The following MYRFL variants were observed in gnomAD, a reference collection of about 807,000 sequenced individuals.
MYRFL encodes the protein myelin regulatory factor-like protein.
MYRFL carries 88 observed loss-of-function variants against 109.4 expected under a neutral mutation model. The ratio of observed to expected loss-of-function variants is 0.80; its 90% CI spans 0.68 to 0.96. The LOEUF (loss-of-function observed/expected upper bound fraction) is 0.96, where lower values mean the gene tolerates loss of function less well. Among genes scored for constraint, MYRFL ranks in the 40% least tolerant of loss-of-function variants. The probability of loss-of-function intolerance (pLI) is 0.00; values close to 1 mark genes in which losing one functional copy is unlikely to be tolerated. For synonymous variants in MYRFL, 324 were observed against 320.9 expected, an observed-to-expected ratio of 1.01 and a Z score of -0.10; for missense variants, 957 against 954.9, an observed-to-expected ratio of 1.00 and a Z score of -0.03.
intron 13 of MYRFL, among the ~76,000 whole-genome samples, chr12:69,917,368 T>C (rs1954768710): frequency 6.7e-6 from 1 of 149,654 alleles, no homozygotes; most frequent in African/African-American, 2.5e-5. Flanking sequence ...TGAAATCATC[T>C]TGTTTATTCA....
At chr12:69,916,673 G>A (rs1954737994) in intron 13 of MYRFL, among the ~76,000 whole-genome samples, 1 of 151,944 alleles carries the variant, frequency 6.6e-6, no homozygotes, top group Non-Finnish European at 1.5e-5. Flanking sequence ...GCCCTTTACT[G>A]GCTACAGACT....
Position 69,936,334 on chromosome 12 carries a change from A to G in MYRFL, c.2043A>G (p.Ser681=). The G allele has an allele frequency of 6.5e-7, 1 of 1,536,048 alleles. No homozygotes were observed. Among genetic ancestry groups the G allele is most frequent in the Non-Finnish European group, 8.7e-7 (1 of 1,146,864 alleles). The change falls in exon 18 of 25, where the codon TCA becomes TCG. Residue 681 remains serine, a splice_region_variant and synonymous_variant. Coordinates refer to ENST00000552032, the MANE Select transcript of MYRFL (RefSeq NM_182530.3). ...EPALLPTASS[S]APNTSLVTTP... is the part of the protein sequence containing the mutation. ...CTCTGCTGCCCACAGCCTCCTCCTC[A>G]GGTAAAGGCTTCACATTCCTCACCC...
intron 19 of MYRFL, among the ~76,000 whole-genome samples, chr12:69,951,176 T>C (rs190687194): frequency 1.3e-5 from 2 of 152,256 alleles, no homozygotes; most frequent in Middle Eastern, 3.4e-3. Flanking sequence ...GCAGACCTAG[T>C]TGGGGATAGT....
chr12:69,842,845 A>T (rs931408544), intron 1 of MYRFL, among the ~76,000 whole-genome samples: 3 of 152,230 alleles, frequency 2.0e-5, no homozygotes, highest in Non-Finnish European at 4.4e-5. Flanking sequence ...CTTCCATAGT[A>T]TCCAAGCACA....
chr12:69,947,420 G>T (rs77851377), intron 19 of MYRFL, among the ~76,000 whole-genome samples: 5,281 of 152,152 alleles, frequency 0.035, 313 homozygotes, highest in African/African-American at 0.12. Flanking sequence ...TTTCAGAAAG[G>T]TTATCTCTCC....
intron 19 of MYRFL, 67 bp from the exon 20 acceptor site, chr12:69,952,046 C>T: frequency 7.4e-7 from 1 of 1,354,888 alleles, no homozygotes; most frequent in Non-Finnish European, 1.0e-6. Flanking sequence ...TGAACTAGGT[C>T]ACACATGGGG....
At chr12:69,914,557 C>A (rs568256322) in intron 13 of MYRFL, among the ~76,000 whole-genome samples, 9 of 152,168 alleles carry the variant, frequency 5.9e-5, no homozygotes, top group East Asian at 5.8e-4. Context: ...ATAATTAGTT[C>A]TCTCCCTTGT....
intron 1 of MYRFL, among the ~76,000 whole-genome samples, chr12:69,841,688 T>C (rs1883252280): frequency 6.6e-6 from 1 of 152,206 alleles, no homozygotes; most frequent in African/African-American, 2.4e-5. Context: ...CCCCCGCTCT[T>C]AGAAGCTTTT....
chr12:69,909,118 G>A (rs1954470296), intron 11 of MYRFL, among the ~76,000 whole-genome samples: 1 of 152,194 alleles, frequency 6.6e-6, no homozygotes. Flanking sequence ...TATGTTAAAG[G>A]TGATTGGTAA....
In MYRFL at chr12:69,914,464, A is replaced by C. The variant is rs369848718; in HGVS notation, c.1602+3534A>C. ...GTTACCCTCTGGAAGCAGCTATATA[A>C]CTTCTGGATGTGGCCCTCCACTAGA... On this transcript the variant is annotated intron_variant, in intron 13 of 24. Coordinates refer to ENST00000552032, the MANE Select transcript of MYRFL (RefSeq NM_182530.3). Among the ~76,000 whole-genome samples the C allele has an allele frequency of 1.1e-3, 164 of 152,264 alleles. 2 individuals carry two copies. In the South Asian group the frequency reaches 0.026, roughly 24 times the overall value.
At chr12:69,951,423 C>CTTTTTT in intron 19 of MYRFL, among the ~76,000 whole-genome samples, 1 of 89,198 alleles carries the variant, frequency 1.1e-5, no homozygotes, top group Non-Finnish European at 2.2e-5. Context: ...TCCTAACCTG[C>CTTTTTT]TTTTTTTTTT....
chr12:69,903,679 T>A lies in MYRFL; in HGVS notation c.1218T>A (p.Asp406Glu). 1 of 1,535,922 alleles carries A rather than the reference T, an allele frequency of 6.5e-7. No individual in the cohort carries two copies. Among genetic ancestry groups the A allele is most frequent in the South Asian group, 1.2e-5 (1 of 84,050 alleles). Residue 406 changes from aspartate to glutamate, a missense_variant, in exon 11 of 25, where the codon GAT (aspartate) becomes GAA (glutamate). Physicochemically the swap from Asp to Glu is conservative, Grantham distance 45. Transcript: ENST00000552032. The stretch of plus-strand genomic sequence containing the variant: ...CTGGGCAGTTTGAAAATGACAGTGA[T>A]GCATTGTGGCAGCGAGGACAAGTTC... ...SNPGQFENDS[D>E]ALWQRGQVPE...
chr12:69,942,742 A>G (rs1234306507), intron 19 of MYRFL, among the ~76,000 whole-genome samples: 2 of 151,976 alleles, frequency 1.3e-5, no homozygotes, highest in African/African-American at 2.4e-5. Flanking sequence ...GAGGAAGTCA[A>G]ATTGTCCCTG....
At chr12:69,910,206 C>T in intron 12 of MYRFL, 129 bp downstream of exon 12, 2 of 646,846 alleles carry the variant, frequency 3.1e-6, no homozygotes, top group East Asian at 3.0e-5. Flanking sequence ...CTCTGTGAAA[C>T]TCATAGTCAC....
intron 2 of MYRFL, among the ~76,000 whole-genome samples, chr12:69,869,930 G>A (rs902001523): frequency 3.3e-5 from 5 of 152,126 alleles, no homozygotes; most frequent in African/African-American, 2.4e-5. Flanking sequence ...GGAGGGCAAA[G>A]TCTATTTTGT....
chr12:69,855,300 C>G lies in MYRFL; in HGVS notation c.67C>G (p.Leu23Val), dbSNP rs1884207579. The stretch of plus-strand genomic sequence containing the variant: ...TGCAGCTCAGGGAGCCAATGGTACT[C>G]TGGAGAACCCAGCCCTGGACACAAG... The part of the protein sequence containing the change: ...FFEAQGANGT[L>V]ENPALDTSLL... The change falls in exon 2 of 25, where the codon CTG becomes GTG. Residue 23 changes from leucine to valine, a missense_variant. Leu to Val is a conservative substitution (Grantham distance 32). Coordinates refer to ENST00000552032, the MANE Select transcript of MYRFL (RefSeq NM_182530.3). 1.4e-6 allele frequency: 1 copy of G among 702,580 alleles called. No homozygotes were observed. The highest frequency in any genetic ancestry group is 2.6e-6 in the Non-Finnish European group (1 of 384,802). 43.5% of individuals were successfully genotyped at this position (702,580 alleles called of 1,614,324 possible).
chr12:69,911,867 C>T (rs969907610), intron 13 of MYRFL, among the ~76,000 whole-genome samples: 22 of 152,306 alleles, frequency 1.4e-4, no homozygotes, highest in African/African-American at 4.6e-4. Flanking sequence ...GCTCCCTGAA[C>T]TTCAAAGTGC....
At position 69,825,237 on chromosome 12, in the gene MYRFL, C is replaced by T; in HGVS notation, c.-281C>T. 1.7e-6 allele frequency: 1 copy of T among 587,612 alleles called. No individual in the cohort carries two copies. The highest frequency in any genetic ancestry group is 3.2e-5 in the East Asian group (1 of 31,660). 36.4% of individuals were successfully genotyped at this position (587,612 alleles called of 1,614,324 possible). On this transcript the variant is annotated 5_prime_UTR_variant, in exon 1 of 25. Transcript: ENST00000552032. ...TTAAAGACGAAAAGCAGAGTAGAAA[C>T]AGTTCCTTATATTAAGACAGATGAA...
chr12:69,917,383 C>CTTTTTTTTTTTTTTTTTTTTTTTTTTT (rs56118035), intron 13 of MYRFL, among the ~76,000 whole-genome samples: 2 of 102,514 alleles, frequency 2.0e-5, no homozygotes, highest in Non-Finnish European at 3.6e-5. Flanking sequence ...TATTCACTGA[C>CTTTTTTTTTTTTTTTTTTTTTTTTTTT]TTTTTTTTTT....
Sources: gnomAD v4.1 joint callset for allele counts (sites outside exome capture counted in the v4.1 genomes callset) on GRCh38, gnomAD v4.1.1 for gene constraint, MANE v1.5 for transcripts, NCBI Gene and HGNC (gene_info 2026-07-23, HGNC 2026-07-21) for gene names.